The following DAPK1 variants were observed in gnomAD, a reference collection of about 807,000 sequenced individuals.
The protein encoded by DAPK1 is death-associated protein kinase 1.
Under a neutral mutation model 144.9 loss-of-function variants are expected in DAPK1, and 56 were observed. The observed-to-expected ratio is 0.39, with a 90% CI of 0.31 to 0.48. The LOEUF (loss-of-function observed/expected upper bound fraction) is 0.48, where lower values mean the gene tolerates loss of function less well. Among genes scored for constraint, DAPK1 ranks in the 20% least tolerant of loss-of-function variants. The probability of loss-of-function intolerance (pLI) is 0.95; values close to 1 mark genes in which losing one functional copy is unlikely to be tolerated. For synonymous variants in DAPK1, 690 were observed against 749.0 expected, an observed-to-expected ratio of 0.92 and a Z score of 1.29; for missense variants, 1,454 against 1,875.4, an observed-to-expected ratio of 0.78 and a Z score of 4.15.
At chr9:87,589,326 C>G (rs1026961520) in intron 2 of DAPK1, among the ~76,000 whole-genome samples, 2 of 152,118 alleles carry the variant, frequency 1.3e-5, no homozygotes, top group African/African-American at 4.8e-5. Context: ...ACCACCTTTC[C>G]GATATGGACA....
intron 24 of DAPK1, among the ~76,000 whole-genome samples, chr9:87,702,107 C>T (rs1392740954): frequency 1.3e-5 from 2 of 152,144 alleles, no homozygotes; most frequent in Non-Finnish European, 2.9e-5. Flanking sequence ...CCGCCCAACC[C>T]CTAAACTCCT....
At chr9:87,515,957 C>T (rs1463148155) in intron 2 of DAPK1, among the ~76,000 whole-genome samples, 2 of 152,156 alleles carry the variant, frequency 1.3e-5, no homozygotes, top group South Asian at 4.1e-4. Context: ...TGCCCTTGCC[C>T]CCCTTTCCCT....
intron 2 of DAPK1, among the ~76,000 whole-genome samples, chr9:87,599,920 T>G (rs1486255446): frequency 6.6e-6 from 1 of 152,220 alleles, no homozygotes; most frequent in Admixed American, 6.5e-5. Context: ...GTATATGTGA[T>G]TCATTAACAT....
intron 3 of DAPK1, among the ~76,000 whole-genome samples, chr9:87,616,866 A>T (rs1463015399): frequency 6.6e-6 from 1 of 152,228 alleles, no homozygotes; most frequent in Admixed American, 6.5e-5. Flanking sequence ...CTGTTGGCCA[A>T]ACCAAACTAG....
chr9:87,672,166 C>T (rs1248793689), intron 19 of DAPK1, among the ~76,000 whole-genome samples: 2 of 152,166 alleles, frequency 1.3e-5, no homozygotes, highest in Non-Finnish European at 2.9e-5. Flanking sequence ...TTGTTGGAAC[C>T]CCGCAGACCA....
chr9:87,556,846 T>G (rs1826738462), intron 2 of DAPK1, among the ~76,000 whole-genome samples: 1 of 152,160 alleles, frequency 6.6e-6, no homozygotes, highest in Admixed American at 6.5e-5. Flanking sequence ...TAGACATGAG[T>G]TGTGCCTGCT....
At chr9:87,547,597 G>T (rs1237868026) in intron 2 of DAPK1, among the ~76,000 whole-genome samples, 2 of 151,920 alleles carry the variant, frequency 1.3e-5, no homozygotes, top group Non-Finnish European at 2.9e-5. Flanking sequence ...GTGTGTGTGT[G>T]TGTGTGTGCG....
rs1200839552 is a variant in DAPK1 at position 87,639,484 on chromosome 9, G to T, written c.553+1G>T. 6.2e-7 allele frequency: 1 copy of T among 1,610,764 alleles called. No homozygotes were observed. The highest frequency in any genetic ancestry group is 1.1e-5 in the South Asian group (1 of 89,920). On this transcript the variant is annotated splice_donor_variant, in intron 5 of 25. Coordinates refer to ENST00000408954, the MANE Select transcript of DAPK1 (RefSeq NM_004938.4). LOFTEE classifies it high-confidence loss of function. ...ATATTTGGGACTCCAGAGTTTGTCGGTAAGTTTCTTTGCTCCTGTGGTCAT... is the reference window on the plus strand; with the variant it reads ...ATATTTGGGACTCCAGAGTTTGTCGTTAAGTTTCTTTGCTCCTGTGGTCAT...
intron 14 of DAPK1, among the ~76,000 whole-genome samples, chr9:87,647,788 C>T (rs757045633): frequency 1.3e-5 from 2 of 152,188 alleles, no homozygotes; most frequent in Admixed American, 6.5e-5. Context: ...CAGTGCTGAC[C>T]TGACAATCAC....
In DAPK1 at chr9:87,707,983, A is replaced by G; in HGVS notation, c.*619A>G. 1 of 397,090 alleles carries G rather than the reference A, an allele frequency of 2.5e-6. No homozygotes were observed. The highest frequency in any genetic ancestry group is 5.0e-6 in the Non-Finnish European group (1 of 200,898). 24.6% of individuals were successfully genotyped at this position (397,090 alleles called of 1,614,324 possible). On this transcript the variant is annotated 3_prime_UTR_variant, in exon 26 of 26. Coordinates refer to ENST00000408954, the MANE Select transcript of DAPK1 (RefSeq NM_004938.4). This position sits in a 1 kb window ranked among gnomAD's most constrained non-coding sequence, Gnocchi z 4.0. ...ACGCTACCTCTCTGTCCCTTGCTGT[A>G]TGCTGATCATCGCCAGAGGTGCTTC... is the stretch of plus-strand genomic sequence containing the variant.
At chr9:87,647,444 A>G in intron 14 of DAPK1, 41 bp downstream of exon 14, 1 of 1,539,398 alleles carries the variant, frequency 6.5e-7, no homozygotes, top group Non-Finnish European at 9.0e-7. Flanking sequence ...GGTGGTAGTA[A>G]ATGGATGCAT....
At chr9:87,652,888 G>T (rs10780868) in intron 17 of DAPK1, among the ~76,000 whole-genome samples, 1,424 of 96,892 alleles carry the variant, frequency 0.015, 11 homozygotes, top group Non-Finnish European at 0.023. Context: ...GATTCTGTGT[G>T]CTCCCACCTG....
intron 3 of DAPK1, among the ~76,000 whole-genome samples, chr9:87,621,182 C>A (rs1829282567): frequency 6.6e-6 from 1 of 152,214 alleles, no homozygotes; most frequent in Admixed American, 6.5e-5. Context: ...GGACAGCATG[C>A]ATTGGTCATG....
At chr9:87,535,486 T>A (rs2118404032) in intron 2 of DAPK1, among the ~76,000 whole-genome samples, 1 of 152,354 alleles carries the variant, frequency 6.6e-6, no homozygotes, top group Non-Finnish European at 1.5e-5. Context: ...CTGTATGGGA[T>A]CCTAATTTGG....
intron 2 of DAPK1, among the ~76,000 whole-genome samples, chr9:87,536,220 G>A (rs1825857261): frequency 6.6e-6 from 1 of 152,196 alleles, no homozygotes; most frequent in African/African-American, 2.4e-5. Context: ...AGGTACTAGT[G>A]TGAGATGTCT....
At chr9:87,654,106 G>GA (rs1451755527) in intron 17 of DAPK1, among the ~76,000 whole-genome samples, 1 of 152,158 alleles carries the variant, frequency 6.6e-6, no homozygotes, top group African/African-American at 2.4e-5. Flanking sequence ...ATCATTTGGT[G>GA]AAAAATGGAG....
rs950549466 is a variant in DAPK1, at chr9:87,632,201, G to GGAT, written c.285-5739_285-5737dup. The GGAT allele has an allele frequency of 5.3e-6, 5 of 949,934 alleles. No homozygotes were observed. The African/African-American group carries it at 8.9e-5, about 17-fold the overall frequency. 58.8% of individuals were successfully genotyped at this position (949,934 alleles called of 1,614,324 possible). The stretch of plus-strand genomic sequence containing the variant: ...ATGAGTATATATGTAGAATGAAGGA[G>GGAT]GATGAGTATATATGTAGGGATAAAG... On this transcript the variant is annotated intron_variant, in intron 3 of 25. Coordinates refer to ENST00000408954, the MANE Select transcript of DAPK1 (RefSeq NM_004938.4).
chr9:87,637,983 G>T lies in DAPK1; in HGVS notation c.325G>T (p.Glu109Ter), dbSNP rs769267771. 6.2e-7 allele frequency: 1 copy of T among 1,614,112 alleles called. No homozygotes were observed. The highest frequency in any genetic ancestry group is 8.5e-7 in the Non-Finnish European group (1 of 1,179,976). The change falls in exon 4 of 26, where the codon GAA becomes TAA. Residue 109 changes from glutamate (E) to a stop codon, truncating the protein, a stop_gained. Transcript: ENST00000408954. LOFTEE classifies it high-confidence loss of function. ...GCTGTTTGACTTCTTAGCTGAAAAG[G>T]AATCTTTAACTGAAGAGGAAGCAAC... ...GELFDFLAEK[E>*]SLTEEEATEF...
chr9:87,671,089 G>C (rs1339299247), intron 19 of DAPK1, among the ~76,000 whole-genome samples: 1 of 152,184 alleles, frequency 6.6e-6, no homozygotes, highest in Non-Finnish European at 1.5e-5. Flanking sequence ...TGGGTGGAAG[G>C]TCCTTCTCCC....
Sources: gnomAD v4.1 joint callset for allele counts (sites outside exome capture counted in the v4.1 genomes callset) on GRCh38, gnomAD v4.1.1 for gene constraint, Gnocchi (gnomAD v3.1) non-coding constraint, MANE v1.5 for transcripts, NCBI Gene and HGNC (gene_info 2026-07-23, HGNC 2026-07-21) for gene names.